RPS6KC1: variants seen among roughly 807,000 people sequenced by gnomAD.
RPS6KC1 encodes ribosomal protein S6 kinase C1, also known as inactive ribosomal protein S6 kinase delta-1.
RPS6KC1 carries 54 observed loss-of-function variants against 103.8 expected under a neutral mutation model. The observed-to-expected ratio is 0.52, with a 90% CI of 0.42 to 0.65. The LOEUF is 0.65. Ranked by LOEUF, RPS6KC1 falls within the 30% of genes least tolerant of loss-of-function variation. The pLI is 0.00. For missense variants in RPS6KC1, 1,151 were observed against 1,253.8 expected, an observed-to-expected ratio of 0.92 and a Z score of 1.24; for synonymous variants, 439 against 438.7, an observed-to-expected ratio of 1.00 and a Z score of -0.01.
intron 1 of RPS6KC1, among the ~76,000 whole-genome samples, chr1:213,062,254 A>G (rs1044079294): frequency 2.0e-5 from 3 of 152,210 alleles, no homozygotes; most frequent in African/African-American, 7.2e-5. Context: ...GCACACAATT[A>G]TTAAAAATAC....
At chr1:213,736,424 A>G in the RPS6KC1 span, among the ~76,000 whole-genome samples, 1 of 152,322 alleles carries the variant, frequency 6.6e-6, no homozygotes, top group South Asian at 2.1e-4. Flanking sequence ...CCTGAAGACA[A>G]CACACAGTTT....
the RPS6KC1 span, among the ~76,000 whole-genome samples, chr1:213,589,756 T>A: frequency 6.6e-6 from 1 of 152,232 alleles, no homozygotes; most frequent in East Asian, 1.9e-4. Context: ...CCATTAACCT[T>A]CTAAGATCCT....
chr1:213,635,665 C>T, the RPS6KC1 span, among the ~76,000 whole-genome samples: 1 of 152,148 alleles, frequency 6.6e-6, no homozygotes. Flanking sequence ...AAATATCATA[C>T]TGAATGGGCA....
chr1:213,646,201 A>G, the RPS6KC1 span, among the ~76,000 whole-genome samples: 1 of 152,160 alleles, frequency 6.6e-6, no homozygotes, highest in South Asian at 2.1e-4. Flanking sequence ...GGAGAGGTCT[A>G]TTTGGTTTTG....
chr1:213,077,044 A>G (rs1023977430), intron 2 of RPS6KC1, among the ~76,000 whole-genome samples: 1 of 151,742 alleles, frequency 6.6e-6, no homozygotes, highest in African/African-American at 2.4e-5. Flanking sequence ...TAGTTTTTAT[A>G]TTTTCAGTAG....
chr1:213,725,439 C>T, the RPS6KC1 span, among the ~76,000 whole-genome samples: 8 of 152,220 alleles, frequency 5.3e-5, no homozygotes, highest in Non-Finnish European at 1.2e-4. Context: ...ATGCCCAGGA[C>T]AAGAGAAGCC....
the RPS6KC1 span, among the ~76,000 whole-genome samples, chr1:213,811,665 C>A: frequency 6.6e-6 from 1 of 152,178 alleles, no homozygotes; most frequent in South Asian, 2.1e-4. Context: ...AAAGGGGCAG[C>A]ATAAAAAATT....
the RPS6KC1 span, among the ~76,000 whole-genome samples, chr1:213,326,869 A>G: frequency 6.6e-6 from 1 of 152,146 alleles, no homozygotes; most frequent in Admixed American, 6.5e-5. Context: ...TGTCCTCCAA[A>G]ACAGATGGCT....
the RPS6KC1 span, among the ~76,000 whole-genome samples, chr1:213,283,569 A>G: frequency 6.6e-6 from 1 of 152,190 alleles, no homozygotes. Context: ...CCAATTTGAG[A>G]GCAGCAACTG....
chr1:213,353,013 G>C, the RPS6KC1 span, among the ~76,000 whole-genome samples: 1 of 152,214 alleles, frequency 6.6e-6, no homozygotes, highest in Admixed American at 6.5e-5. Context: ...AGAGGGGAGG[G>C]CTCTCCTCAG....
At chr1:213,828,392 T>G in the RPS6KC1 span, among the ~76,000 whole-genome samples, 186 of 152,336 alleles carry the variant, frequency 1.2e-3, no homozygotes, top group Non-Finnish European at 1.9e-3. Context: ...AAAACAAGTT[T>G]TTTTAAATCT....
the RPS6KC1 span, among the ~76,000 whole-genome samples, chr1:213,441,969 G>T: frequency 6.6e-6 from 1 of 152,158 alleles, no homozygotes; most frequent in African/African-American, 2.4e-5. Context: ...AATTTATACA[G>T]TTATAAACTT....
At chr1:213,144,593 C>T (rs1340190567) in intron 6 of RPS6KC1, among the ~76,000 whole-genome samples, 1 of 152,044 alleles carries the variant, frequency 6.6e-6, no homozygotes, top group African/African-American at 2.4e-5. Flanking sequence ...CCAGCTTGTT[C>T]TTCCCCACTT....
At chr1:213,381,287 A>G in the RPS6KC1 span, among the ~76,000 whole-genome samples, 1 of 152,302 alleles carries the variant, frequency 6.6e-6, no homozygotes, top group East Asian at 1.9e-4. Context: ...CCTGGAGCAC[A>G]GTATTTTTCT....
the RPS6KC1 span, among the ~76,000 whole-genome samples, chr1:213,672,264 T>A: frequency 6.6e-6 from 1 of 152,218 alleles, no homozygotes; most frequent in Admixed American, 6.5e-5. Flanking sequence ...CACCCATATT[T>A]GGCCACAACC....
chr1:213,830,923 C>T, the RPS6KC1 span, among the ~76,000 whole-genome samples: 14 of 152,276 alleles, frequency 9.2e-5, no homozygotes, highest in East Asian at 2.5e-3. Context: ...TGGGTTCTGC[C>T]AAATGTCTTG....
the RPS6KC1 span, among the ~76,000 whole-genome samples, chr1:213,786,087 A>G: frequency 2.0e-5 from 3 of 152,130 alleles, no homozygotes; most frequent in Non-Finnish European, 4.4e-5. Flanking sequence ...GGAAGTGAGG[A>G]TGGGAATAAA....
At chr1:213,481,848 G>A in the RPS6KC1 span, among the ~76,000 whole-genome samples, 7,565 of 152,176 alleles carry the variant, frequency 0.05, 612 homozygotes, top group African/African-American at 0.17. Context: ...ATTGTAATCC[G>A]TATTGCAGGT....
the RPS6KC1 span, among the ~76,000 whole-genome samples, chr1:213,628,357 C>G: frequency 6.6e-6 from 1 of 152,068 alleles, no homozygotes; most frequent in African/African-American, 2.4e-5. Flanking sequence ...TTTTGTTGAT[C>G]TTTTCAAAAA....
Sources: gnomAD v4.1 joint callset for allele counts (sites outside exome capture counted in the v4.1 genomes callset) on GRCh38, gnomAD v4.1.1 for gene constraint, MANE v1.5 for transcripts, NCBI Gene and HGNC (gene_info 2026-07-23, HGNC 2026-07-21) for gene names.